EYS: variants seen among roughly 807,000 people sequenced by gnomAD.
EYS encodes the protein protein eyes shut homolog.
EYS carries 250 observed loss-of-function variants against 282.1 expected under a neutral mutation model. The observed-to-expected ratio is 0.89, with a 90% CI of 0.80 to 0.98. The LOEUF (loss-of-function observed/expected upper bound fraction) is 0.98. Among genes scored for constraint, EYS ranks in the 50% least tolerant of loss-of-function variants. EYS has a pLI of 0.00. For missense variants in EYS, 4,016 were observed against 3,709.0 expected, an observed-to-expected ratio of 1.08 and a Z score of -2.15; for synonymous variants, 1,355 against 1,282.9, an observed-to-expected ratio of 1.06 and a Z score of -1.20.
chr6:65,695,481 TC>T (rs1456535668), intron 1 of EYS, among the ~76,000 whole-genome samples: 1 of 152,070 alleles, frequency 6.6e-6, no homozygotes, highest in East Asian at 1.9e-4. Flanking sequence ...TCCAATGTAA[TC>T]TTTTGATTTT....
chr6:64,731,338 C>CA (rs1235033531), intron 22 of EYS, among the ~76,000 whole-genome samples: 3 of 151,796 alleles, frequency 2.0e-5, no homozygotes, highest in South Asian at 2.1e-4. Context: ...AACAAACAAA[C>CA]AAAAAAACAA....
chr6:65,260,665 C>G (rs866127252), intron 12 of EYS, among the ~76,000 whole-genome samples: 1 of 151,852 alleles, frequency 6.6e-6, no homozygotes, highest in Non-Finnish European at 1.5e-5. Context: ...GTGAAATACA[C>G]GTTTAAGATT....
chr6:65,128,128 C>T lies in EYS; in HGVS notation c.2024-70401G>A, dbSNP rs1470389614. On this transcript the variant is annotated intron_variant, in intron 12 of 42. Transcript: ENST00000503581. ...AATATTTATCTTACCCAAATCATTACATTTTTGGGTCTAATTTTTACAGCA... is the reference window on the plus strand; with the variant it reads ...AATATTTATCTTACCCAAATCATTATATTTTTGGGTCTAATTTTTACAGCA... 5.3e-5 allele frequency among the ~76,000 whole-genome samples: 8 copies of T among 152,060 alleles called. No individual in the cohort carries two copies. The East Asian group carries it at 1.4e-3, about 26-fold the overall frequency.
chr6:65,111,319 C>T (rs954108214), intron 12 of EYS, among the ~76,000 whole-genome samples: 1 of 151,956 alleles, frequency 6.6e-6, no homozygotes, highest in Non-Finnish European at 1.5e-5. Context: ...CTCTCTCTTT[C>T]CTTAATTCTT....
chr6:65,401,942 A>G (rs1157865046), intron 7 of EYS, among the ~76,000 whole-genome samples: 4 of 151,948 alleles, frequency 2.6e-5, no homozygotes, highest in Non-Finnish European at 5.9e-5. Context: ...AAAATTGACT[A>G]AATTATACAC....
chr6:63,972,985 C>T, intron 35 of EYS, among the ~76,000 whole-genome samples: 1 of 152,048 alleles, frequency 6.6e-6, no homozygotes, highest in South Asian at 2.1e-4. Flanking sequence ...GTGAATAGTG[C>T]TGCAATAAAC....
intron 12 of EYS, among the ~76,000 whole-genome samples, chr6:65,085,761 T>A (rs746845616): frequency 5.3e-5 from 8 of 152,130 alleles, no homozygotes; most frequent in Non-Finnish European, 1.0e-4. Flanking sequence ...TCCACTTTTC[T>A]CTATTCCCTT....
At chr6:64,029,663 A>T (rs1412053014) in intron 33 of EYS, among the ~76,000 whole-genome samples, 1 of 152,158 alleles carries the variant, frequency 6.6e-6, no homozygotes, top group Non-Finnish European at 1.5e-5. Flanking sequence ...ACTTTAACCT[A>T]TATACTGATG....
intron 12 of EYS, among the ~76,000 whole-genome samples, chr6:65,246,820 C>T (rs1767193035): frequency 6.6e-6 from 1 of 152,092 alleles, no homozygotes; most frequent in South Asian, 2.1e-4. Context: ...TGCAGGCCAT[C>T]TTTAAAAGCT....
chr6:64,961,893 C>T (rs1769933189), intron 14 of EYS, among the ~76,000 whole-genome samples: 1 of 152,124 alleles, frequency 6.6e-6, no homozygotes, highest in African/African-American at 2.4e-5. Context: ...TTTCTATACT[C>T]ATATACTAAA....
At chr6:65,219,809 C>T (rs566947074) in intron 12 of EYS, among the ~76,000 whole-genome samples, 96 of 152,010 alleles carry the variant, frequency 6.3e-4, no homozygotes, top group African/African-American at 1.8e-3. Context: ...TCTTACATGG[C>T]GGCAGGCAAG....
At chr6:65,625,927 A>G (rs1766673558) in intron 2 of EYS, among the ~76,000 whole-genome samples, 1 of 152,204 alleles carries the variant, frequency 6.6e-6, no homozygotes, top group Non-Finnish European at 1.5e-5. Flanking sequence ...AATATTTTTC[A>G]GTTACCAAAA....
intron 31 of EYS, among the ~76,000 whole-genome samples, chr6:64,128,367 G>C (rs1253104634): frequency 6.6e-6 from 1 of 152,122 alleles, no homozygotes; most frequent in Non-Finnish European, 1.5e-5. Context: ...TTTGATTGCT[G>C]TGACTTCTTA....
At chr6:65,623,626 A>T (rs354369) in intron 2 of EYS, among the ~76,000 whole-genome samples, 120,221 of 152,140 alleles carry the variant, frequency 0.79, 47,562 homozygotes, top group Middle Eastern at 0.83. Flanking sequence ...GAAGCGATAA[A>T]AGGTTAGCCT....
chr6:63,977,048 T>C (rs1310655757), intron 35 of EYS, among the ~76,000 whole-genome samples: 1 of 151,808 alleles, frequency 6.6e-6, no homozygotes, highest in Non-Finnish European at 1.5e-5. Flanking sequence ...TTATTATTAC[T>C]CAAGTTAGCC....
chr6:64,138,363 A>AG (rs1460978143), intron 31 of EYS, among the ~76,000 whole-genome samples: 1 of 152,214 alleles, frequency 6.6e-6, no homozygotes, highest in African/African-American at 2.4e-5. Flanking sequence ...ATATTGGGAA[A>AG]GGAGGGTATA....
At chr6:65,557,615 C>T (rs546953260) in intron 2 of EYS, among the ~76,000 whole-genome samples, 46 of 152,258 alleles carry the variant, frequency 3.0e-4, no homozygotes, top group Middle Eastern at 3.4e-3. Flanking sequence ...AACTGCCACT[C>T]TTTACTCTTA....
chr6:64,747,517 A>T (rs1295522454), intron 22 of EYS, among the ~76,000 whole-genome samples: 1 of 152,140 alleles, frequency 6.6e-6, no homozygotes, highest in Non-Finnish European at 1.5e-5. Context: ...AGTAGCTGGG[A>T]TTACAGGCAC....
intron 8 of EYS, among the ~76,000 whole-genome samples, chr6:65,359,894 G>C (rs1343640626): frequency 2.0e-5 from 3 of 151,742 alleles, no homozygotes; most frequent in African/African-American, 7.2e-5. Flanking sequence ...CCATACTTCA[G>C]ATAAGGAAAT....
Sources: allele counts gnomAD v4.1 joint callset (sites outside exome capture counted in the v4.1 genomes callset), GRCh38; gene constraint gnomAD v4.1.1; transcripts MANE v1.5; gene names NCBI Gene and HGNC (gene_info 2026-07-23, HGNC 2026-07-21).